COL14A1: variants seen among roughly 807,000 people sequenced by gnomAD.
COL14A1 encodes the protein collagen type XIV alpha 1 chain.
In COL14A1, 136 loss-of-function variants were observed where a neutral mutation model predicts 230.3. The observed-to-expected ratio is 0.59, with a 90% CI of 0.51 to 0.68. The LOEUF (loss-of-function observed/expected upper bound fraction) is 0.68, where lower values mean the gene tolerates loss of function less well. COL14A1 is among the 30% of genes least tolerant of loss of function. COL14A1 has a pLI of 0.00. For synonymous variants in COL14A1, 792 were observed against 784.1 expected, an observed-to-expected ratio of 1.01 and a Z score of -0.17; for missense variants, 1,976 against 2,215.8, an observed-to-expected ratio of 0.89 and a Z score of 2.17.
At chr8:120,134,073 A>G (rs1814632323) in intron 1 of COL14A1, among the ~76,000 whole-genome samples, 1 of 152,074 alleles carries the variant, frequency 6.6e-6, no homozygotes, top group East Asian at 1.9e-4. Flanking sequence ...ATAACTCTTT[A>G]AAGTGCTCAT....
At chr8:120,329,120 A>G (rs1821784207) in intron 40 of COL14A1, among the ~76,000 whole-genome samples, 1 of 152,196 alleles carries the variant, frequency 6.6e-6, no homozygotes, top group South Asian at 2.1e-4. Flanking sequence ...AAATAAGAAT[A>G]TATTATTATA....
In COL14A1 at chr8:120,195,311, T is replaced by C. The variant is rs550690445; in HGVS notation, c.437-1480T>C. 4.7e-4 allele frequency among the ~76,000 whole-genome samples: 71 copies of C among 152,264 alleles called. 3 individuals are homozygous for C. The South Asian group carries it at 0.011, about 24-fold the overall frequency. On this transcript the variant is annotated intron_variant, in intron 5 of 47. Transcript: ENST00000297848. ...TACTTCTGTATTTTGGTTTTCATTATATATGTTAAAAAAATAAAGATTTTT... is the reference window on the plus strand; with the variant it reads ...TACTTCTGTATTTTGGTTTTCATTACATATGTTAAAAAAATAAAGATTTTT...
At chr8:120,367,486 C>T (rs76640271) in intron 46 of COL14A1, among the ~76,000 whole-genome samples, 2,719 of 152,202 alleles carry the variant, frequency 0.018, 83 homozygotes, top group African/African-American at 0.063. Context: ...ACAGACTATG[C>T]TATAGTAACA....
In COL14A1 at chr8:120,210,087, T is replaced by C. The variant is rs140036048; in HGVS notation, c.1467+186T>C. On this transcript the variant is annotated intron_variant, in intron 12 of 47. Transcript: ENST00000297848. ...ACATTTAATTAACAGTCTTTGTCGA[T>C]GCATTTTGAAAGCAACACATGGAAA... Among the ~76,000 whole-genome samples the C allele has an allele frequency of 4.7e-3, 710 of 152,314 alleles. 8 individuals carry two copies. Among genetic ancestry groups the C allele is most frequent in the African/African-American group, 0.016 (674 of 41,572 alleles).
chr8:120,180,639 C>A lies in COL14A1; in HGVS notation c.436+12392C>A, dbSNP rs1383217758. ...CCTACAATGGCAATGAAGTCCCCCCCAGAGTTTCAGGTTCCAGAATTACAT... is the reference window on the plus strand; with the variant it reads ...CCTACAATGGCAATGAAGTCCCCCCAAGAGTTTCAGGTTCCAGAATTACAT... On this transcript the variant is annotated intron_variant, in intron 5 of 47. Coordinates refer to ENST00000297848, the MANE Select transcript of COL14A1 (RefSeq NM_021110.4). Among the ~76,000 whole-genome samples, 9 of 151,390 alleles carry A rather than the reference C, an allele frequency of 5.9e-5. No individual in the cohort carries two copies. In the South Asian group the frequency reaches 1.0e-3, roughly 18 times the overall value.
intron 5 of COL14A1, among the ~76,000 whole-genome samples, chr8:120,194,715 A>G (rs1816964994): frequency 6.6e-6 from 1 of 152,066 alleles, no homozygotes; most frequent in Non-Finnish European, 1.5e-5. Context: ...TCCTATCCAC[A>G]TGGTTCCCAA....
intron 31 of COL14A1, among the ~76,000 whole-genome samples, chr8:120,283,234 G>A (rs576756408): frequency 1.3e-5 from 2 of 152,226 alleles, no homozygotes; most frequent in South Asian, 4.1e-4. Flanking sequence ...AAGTGATAAT[G>A]TCATAAGTTA....
At chr8:120,207,548 G>A (rs536775942) in intron 10 of COL14A1, among the ~76,000 whole-genome samples, 1 of 152,252 alleles carries the variant, frequency 6.6e-6, no homozygotes, top group East Asian at 1.9e-4. Context: ...AGGGATTAGT[G>A]CAATGGAAAA....
At chr8:120,233,027 C>A (rs1423965672) in intron 19 of COL14A1, among the ~76,000 whole-genome samples, 1 of 152,106 alleles carries the variant, frequency 6.6e-6, no homozygotes, top group East Asian at 1.9e-4. Context: ...CGATGATGAG[C>A]TTTTTTTCAT....
intron 42 of COL14A1, among the ~76,000 whole-genome samples, chr8:120,339,036 T>C (rs1179830252): frequency 1.3e-5 from 2 of 152,158 alleles, no homozygotes; most frequent in Non-Finnish European, 2.9e-5. Context: ...AAAAATTTTA[T>C]GATGGAACGC....
chr8:120,328,190 T>C (rs183367260), intron 40 of COL14A1, among the ~76,000 whole-genome samples: 3 of 152,272 alleles, frequency 2.0e-5, no homozygotes, highest in Admixed American at 6.5e-5. Context: ...TTGAGGATAT[T>C]GTTTAGGTAG....
rs1820006621 is a variant in COL14A1 at position 120,280,712 on chromosome 8, C to T, written c.3648C>T (p.Thr1216=). ...ITFVCETASA[T]CPVVHKDGID... ...TATTTTGTTTGTTTGGTTTTCCAGC[C>T]TGTCCAGTGGTACACAAGGATGGCA... Residue 1216 remains threonine (T), a splice_region_variant and synonymous_variant, in exon 30 of 48, where the codon ACC becomes ACT. Coordinates refer to ENST00000297848, the MANE Select transcript of COL14A1 (RefSeq NM_021110.4). 6.2e-7 allele frequency: 1 copy of T among 1,613,174 alleles called. No individual in the cohort carries two copies. The highest frequency in any genetic ancestry group is 1.1e-5 in the South Asian group (1 of 90,900).
intron 24 of COL14A1, among the ~76,000 whole-genome samples, chr8:120,264,525 C>A (rs1456002789): frequency 6.6e-6 from 1 of 152,062 alleles, no homozygotes; most frequent in Non-Finnish European, 1.5e-5. Context: ...CAGTAAACAA[C>A]CAATAAAAGA....
chr8:120,359,031 A>G (rs1004183153), intron 45 of COL14A1, among the ~76,000 whole-genome samples: 3 of 151,932 alleles, frequency 2.0e-5, no homozygotes, highest in Non-Finnish European at 2.9e-5. Context: ...TTGGAAAAAC[A>G]TAATGAGTAT....
chr8:120,270,854 A>G lies in COL14A1; in HGVS notation c.3213+680A>G, dbSNP rs796953501. Among the ~76,000 whole-genome samples the G allele has an allele frequency of 2.0e-4, 30 of 151,978 alleles. 1 individual carries two copies. The highest frequency in any genetic ancestry group is 7.2e-4 in the African/African-American group (30 of 41,540). On this transcript the variant is annotated intron_variant, in intron 26 of 47. Transcript: ENST00000297848. ...AACTTAAAACAGAATTCCCAAACCC[A>G]GAAATCCCACTGTTGGATATATACC...
rs572502723 is a variant in COL14A1, at chr8:120,271,174, G to A, written c.3213+1000G>A. Among the ~76,000 whole-genome samples the A allele has an allele frequency of 5.3e-5, 8 of 151,684 alleles. No homozygotes were observed. The East Asian group carries it at 5.8e-4, about 11-fold the overall frequency. On this transcript the variant is annotated intron_variant, in intron 26 of 47. Transcript: ENST00000297848. The stretch of plus-strand genomic sequence containing the variant: ...CACTTATAAGTGGGAGCTAAACATC[G>A]AGTACATGTAGACACAAAGAAGGGA...
chr8:120,364,675 G>C (rs1823343727), intron 45 of COL14A1, among the ~76,000 whole-genome samples: 1 of 152,116 alleles, frequency 6.6e-6, no homozygotes, highest in African/African-American at 2.4e-5. Flanking sequence ...TTGAGGTCAG[G>C]AGTTCGAGAC....
Position 120,281,045 on chromosome 8 carries a change from T to C in COL14A1, c.3810T>C (p.Val1270=). 2 of 1,609,676 alleles carry C rather than the reference T, an allele frequency of 1.2e-6. No individual in the cohort carries two copies. Residue 1270 remains valine, a synonymous_variant, in exon 31 of 48, where the codon GTT becomes GTC. Transcript: ENST00000297848. ...PCYQLHKDAL[V]SQPTRYLHPE... is the part of the protein sequence containing the mutation. The stretch of plus-strand genomic sequence containing the variant: ...ACCAACTCCATAAAGATGCCCTGGT[T>C]TCCCAGCCAACCAGGTATGTTTCTG...
chr8:120,289,540 C>T, intron 33 of COL14A1, 68 bp from the exon 34 acceptor site: 1 of 1,356,976 alleles, frequency 7.4e-7, no homozygotes, highest in Non-Finnish European at 1.0e-6. Context: ...ATGAATCATA[C>T]AATTATACAA....
Sources: gnomAD v4.1 joint callset for allele counts (sites outside exome capture counted in the v4.1 genomes callset) on GRCh38, gnomAD v4.1.1 for gene constraint, MANE v1.5 for transcripts, NCBI Gene and HGNC (gene_info 2026-07-23, HGNC 2026-07-21) for gene names.